The following NBPF4 variants were observed in gnomAD, a reference collection of about 807,000 sequenced individuals.
NBPF4 encodes the protein NBPF family member NBPF4.
Under a neutral mutation model 21.1 loss-of-function variants are expected in NBPF4, and 11 were observed. The observed-to-expected ratio is 0.52, with a 90% confidence interval of 0.33 to 0.86. NBPF4 has a LOEUF of 0.86. Among genes scored for constraint, NBPF4 ranks in the 40% least tolerant of loss-of-function variants. The pLI, the probability that NBPF4 is intolerant of heterozygous loss-of-function variation, is 0.03. For missense variants in NBPF4, 88 were observed against 265.3 expected (o/e 0.33, Z 4.64); for synonymous variants, 47 against 106.4 (o/e 0.44, Z 3.43).
At chr1:108,226,445 A>G (rs1649475181) in intron 14 of NBPF4, among the ~76,000 whole-genome samples, 1 of 150,618 alleles carries the variant, frequency 6.6e-6, no homozygotes, top group Non-Finnish European at 1.5e-5. Flanking sequence ...CATGAGAGGG[A>G]CTCTCAAGAC....
At position 108,226,616 on chromosome 1, in the gene NBPF4, G is replaced by A. The variant is rs1021843334; in HGVS notation, c.1875+63C>T. ...GGGAGAGAAAAAGCAGTGAGAGAATGAGCTGTCACCATAGACGGAGAAATA... is the reference window on the plus strand; with the variant it reads ...GGGAGAGAAAAAGCAGTGAGAGAATAAGCTGTCACCATAGACGGAGAAATA... On this transcript the variant is annotated intron_variant, in intron 14 of 14. Coordinates refer to ENST00000415641, the MANE Select transcript of NBPF4 (RefSeq NM_001143989.3). The A allele has an allele frequency of 1.0e-4, 130 of 1,283,948 alleles. 20 individuals carry two copies. Among genetic ancestry groups the A allele is most frequent in the Non-Finnish European group, 1.3e-4 (120 of 949,816 alleles). The allele number at this position is 1,283,948 out of a possible 1,614,324, so 79.5% of individuals were successfully genotyped here.
At chr1:108,268,279 T>C in the NBPF4 span, among the ~76,000 whole-genome samples, 1 of 143,534 alleles carries the variant, frequency 7.0e-6, no homozygotes, top group Admixed American at 7.4e-5. Flanking sequence ...ATATAAATGT[T>C]CATTGTGCCA....
At chr1:108,268,659 G>T in the NBPF4 span, among the ~76,000 whole-genome samples, 1 of 149,468 alleles carries the variant, frequency 6.7e-6, no homozygotes, top group Non-Finnish European at 1.5e-5. Context: ...TCAACTTTGG[G>T]AATATAATAT....
At position 108,234,814 on chromosome 1, in the gene NBPF4, G is replaced by A. The variant is rs1366067368; in HGVS notation, c.1029-403C>T. On this transcript the variant is annotated intron_variant, in intron 9 of 14. Transcript: ENST00000415641. ...GGTTTTGAGGCATAATCGTATCCCC[G>A]AAATCGCATGGCATCAAGTCCTCTT... Among the ~76,000 whole-genome samples the A allele has an allele frequency of 4.2e-5, 4 of 96,214 alleles. 1 individual carries two copies. The highest frequency in any genetic ancestry group is 9.2e-5 in the African/African-American group (2 of 21,730). 63.1% of individuals were successfully genotyped at this position (96,214 alleles called of 152,430 possible). A position where few individuals can be genotyped will look rare whatever the true frequency, so the allele number is the denominator to read the frequency against.
chr1:108,226,182 C>T (rs1473172699), intron 14 of NBPF4, among the ~76,000 whole-genome samples: 1 of 149,286 alleles, frequency 6.7e-6, no homozygotes, highest in East Asian at 2.0e-4. Context: ...TTTAACACTT[C>T]TCATTCAGAG....
Position 108,222,839 on chromosome 1 carries a change from T to C in NBPF4, c.*866A>G, listed in dbSNP as rs1649349190. On this transcript the variant is annotated 3_prime_UTR_variant, in exon 15 of 15. Coordinates refer to ENST00000415641, the MANE Select transcript of NBPF4 (RefSeq NM_001143989.3). ...AACCACTTTCCAAATTACTTACAAA[T>C]AAGATGTCTTTACAAGGGACAGAGC... 6.6e-6 allele frequency among the ~76,000 whole-genome samples: 1 copy of C among 152,158 alleles called. No homozygotes were observed. Among genetic ancestry groups the C allele is most frequent in the Admixed American group, 6.5e-5 (1 of 15,280 alleles).
upstream of NBPF4, among the ~76,000 whole-genome samples, chr1:108,244,846 T>G (rs1649774203): frequency 9.6e-5 from 1 of 10,370 alleles, no homozygotes; most frequent in Non-Finnish European, 1.8e-4. Flanking sequence ...TTTTTAGTTT[T>G]CCCATATATT....
Position 108,222,758 on chromosome 1 carries a change from G to T in NBPF4, c.*947C>A, listed in dbSNP as rs540894146. ...ACTGACACAGACGGGGTGATTAATT[G>T]GTGATAAAATGTTCTGAAGAAGATC... On this transcript the variant is annotated 3_prime_UTR_variant, in exon 15 of 15. Transcript: ENST00000415641. 6.6e-6 allele frequency among the ~76,000 whole-genome samples: 1 copy of T among 152,240 alleles called. No homozygotes were observed. Among genetic ancestry groups the T allele is most frequent in the South Asian group, 2.1e-4 (1 of 4,820 alleles).
At chr1:108,224,927 A>G (rs1649427038) in intron 14 of NBPF4, among the ~76,000 whole-genome samples, 1 of 148,622 alleles carries the variant, frequency 6.7e-6, no homozygotes, top group African/African-American at 2.5e-5. Context: ...GGACAGGGGG[A>G]CCAATGAGTT....
the NBPF4 span, among the ~76,000 whole-genome samples, chr1:108,265,719 G>T: frequency 5.2e-4 from 1 of 1,914 alleles, no homozygotes; most frequent in Non-Finnish European, 1.0e-3. Context: ...CCATAAAAAA[G>T]GATGAGTTCA....
At chr1:108,268,561 G>A in the NBPF4 span, among the ~76,000 whole-genome samples, 1 of 148,724 alleles carries the variant, frequency 6.7e-6, no homozygotes, top group African/African-American at 2.5e-5. Flanking sequence ...TTGTAGGGGT[G>A]GGTGGGAGGG....
chr1:108,223,074 CT>C lies in NBPF4; in HGVS notation c.*630del, dbSNP rs1174346769. Among the ~76,000 whole-genome samples, 3 of 152,188 alleles carry C rather than the reference CT, an allele frequency of 2.0e-5. No individual in the cohort carries two copies. The highest frequency in any genetic ancestry group is 7.2e-5 in the African/African-American group (3 of 41,452). On this transcript the variant is annotated 3_prime_UTR_variant, in exon 15 of 15. Transcript: ENST00000415641. The stretch of plus-strand genomic sequence containing the variant: ...TAGACCATTGAGCCAGACAGCTGAC[CT>C]GTCCTCCACAAACAAGTCCATGTCA...
In NBPF4 at chr1:108,223,003, T is replaced by C. The variant is rs964725730; in HGVS notation, c.*702A>G. Among the ~76,000 whole-genome samples, 6 of 152,100 alleles carry C rather than the reference T, an allele frequency of 3.9e-5. No homozygotes were observed. The highest frequency in any genetic ancestry group is 8.8e-5 in the Non-Finnish European group (6 of 68,036). On this transcript the variant is annotated 3_prime_UTR_variant, in exon 15 of 15. Coordinates refer to ENST00000415641, the MANE Select transcript of NBPF4 (RefSeq NM_001143989.3). ...TCTGCAGAGTTCCTGGCAAAATGTT[T>C]AGGCTGAATTTAATCATGACGACAT...
At chr1:108,234,981 C>A (rs1649666837) in intron 9 of NBPF4, among the ~76,000 whole-genome samples, 1 of 64,726 alleles carries the variant, frequency 1.5e-5, no homozygotes, top group African/African-American at 7.5e-5. Context: ...GAAGAGTATA[C>A]TTACTTTAAG....
rs1649748651 is a variant in NBPF4, at chr1:108,243,519, G to C, written c.178+65C>G. Reference sequence around the variant, plus strand: ...TGAAATTAATTTCGATGAAAAGACTGTTCAGTTTCTCAGAACACAGGTGAT... The same window carrying C: ...TGAAATTAATTTCGATGAAAAGACTCTTCAGTTTCTCAGAACACAGGTGAT... On this transcript the variant is annotated intron_variant, in intron 2 of 14. Coordinates refer to ENST00000415641, the MANE Select transcript of NBPF4 (RefSeq NM_001143989.3). 7.7e-6 allele frequency: 7 copies of C among 907,220 alleles called. 1 individual carries two copies. The highest frequency in any genetic ancestry group is 9.0e-6 in the Non-Finnish European group (6 of 664,808). 56.2% of individuals were successfully genotyped at this position (907,220 alleles called of 1,614,324 possible).
rs1407568575 is a variant in NBPF4 at position 108,229,018 on chromosome 1, C to G, written c.1562G>C (p.Gly521Ala). ...GGCCAAGCCGTTCCCACAGTGGAAC[C>G]CTTGATCCAGCTGTAGTCGCAGACA... ...PSCLRLQLDQGFHCGNGLAQR... is the reference protein window; with the variant it reads ...PSCLRLQLDQAFHCGNGLAQR... The change falls in exon 13 of 15, where the codon GGG (glycine) becomes GCG (alanine). Residue 521 changes from glycine to alanine, a missense_variant. Physicochemically the swap from Gly to Ala is moderately conservative, Grantham distance 60. This residue lies in a region of NBPF4 where 60 missense variants were observed against 86.5 expected (regional missense o/e 0.69). Transcript: ENST00000415641. 1 of 1,548,596 alleles carries G rather than the reference C, an allele frequency of 6.5e-7. No homozygotes were observed. Among genetic ancestry groups the G allele is most frequent in the Non-Finnish European group, 8.7e-7 (1 of 1,144,674 alleles).
the NBPF4 span, among the ~76,000 whole-genome samples, chr1:108,258,539 G>A: frequency 7.1e-6 from 1 of 140,644 alleles, no homozygotes; most frequent in East Asian, 2.0e-4. Context: ...TATCTTTCGG[G>A]GGGTGGGGGT....
chr1:108,228,652 G>A (rs1649550453), intron 13 of NBPF4, among the ~76,000 whole-genome samples: 1 of 151,766 alleles, frequency 6.6e-6, no homozygotes, highest in Non-Finnish European at 1.5e-5. Context: ...TTATTCTTCA[G>A]GTATCTTAGA....
At chr1:108,244,911 T>G (rs1173103435), upstream of NBPF4, among the ~76,000 whole-genome samples, 5 of 32,982 alleles carry the variant, frequency 1.5e-4, no homozygotes, top group African/African-American at 4.9e-4. Flanking sequence ...GATATATATA[T>G]ATATATATAT....
Sources: gnomAD v4.1 joint callset for allele counts (sites outside exome capture counted in the v4.1 genomes callset) on GRCh38, gnomAD v4.1.1 for gene constraint, gnomAD v4.1.1 regional missense constraint, MANE v1.5 for transcripts, NCBI Gene and HGNC (gene_info 2026-07-23, HGNC 2026-07-21) for gene names.